AQR: variants seen among roughly 807,000 people sequenced by gnomAD.
The protein encoded by AQR is RNA helicase aquarius.
In AQR, 61 loss-of-function variants were observed where a neutral mutation model predicts 180.5. That is an observed-to-expected ratio of 0.34 (90% CI 0.28 to 0.42). The LOEUF is 0.42. Among genes scored for constraint, AQR ranks in the 10% least tolerant of loss-of-function variants. AQR has a pLI of 1.00. For missense variants in AQR, 1,281 were observed against 1,798.3 expected (o/e 0.71, Z 5.20); for synonymous variants, 551 against 588.8 (o/e 0.94, Z 0.93).
At chr15:34,964,422 G>C in intron 1 of AQR, 132 bp from the exon 2 acceptor site, 1 of 788,446 alleles carries the variant, frequency 1.3e-6, no homozygotes, top group South Asian at 1.5e-5. Flanking sequence ...ATATCTGAAG[G>C]CACTACACAG....
In AQR at chr15:34,910,022, C is replaced by T. The variant is rs374872635; in HGVS notation, c.1663+113G>A. ...TCTTTAAATCAAATTTCAAGGATAA[C>T]GCTTAATAAAAGCTTTAAAGGATAA... On this transcript the variant is annotated intron_variant, in intron 17 of 34. Coordinates refer to ENST00000156471, the MANE Select transcript of AQR (RefSeq NM_014691.3). The T allele has an allele frequency of 6.7e-5, 83 of 1,230,130 alleles. 6 individuals are homozygous for T. The highest frequency in any genetic ancestry group is 2.1e-4 in the East Asian group (9 of 41,982). 76.2% of individuals were successfully genotyped at this position (1,230,130 alleles called of 1,614,324 possible).
intron 34 of AQR, among the ~76,000 whole-genome samples, chr15:34,858,094 C>T (rs931015878): frequency 2.0e-5 from 3 of 152,068 alleles, no homozygotes; most frequent in Non-Finnish European, 4.4e-5. Flanking sequence ...AGCGATTCTC[C>T]TGCCTCAGCC....
At chr15:34,922,703 G>A (rs1893699609) in intron 13 of AQR, among the ~76,000 whole-genome samples, 1 of 151,872 alleles carries the variant, frequency 6.6e-6, no homozygotes, top group South Asian at 2.1e-4. Flanking sequence ...ACAAGCATGT[G>A]CCACCACGCC....
intron 14 of AQR, 79 bp from the exon 15 acceptor site, chr15:34,918,457 A>G: frequency 5.3e-6 from 8 of 1,520,154 alleles, no homozygotes; most frequent in Non-Finnish European, 7.1e-6. Context: ...AAGAAGTTTC[A>G]TGCCTATCAG....
At chr15:34,859,344 G>A (rs1367792547) in intron 34 of AQR, among the ~76,000 whole-genome samples, 1 of 152,102 alleles carries the variant, frequency 6.6e-6, no homozygotes, top group African/African-American at 2.4e-5. Context: ...AAACCATACT[G>A]AGACCACTGT....
intron 20 of AQR, among the ~76,000 whole-genome samples, chr15:34,900,012 C>T (rs1893306337): frequency 6.6e-6 from 1 of 152,138 alleles, no homozygotes; most frequent in African/African-American, 2.4e-5. Context: ...CCTGCCTCAG[C>T]CTCCTGAGTT....
At chr15:34,875,305 A>G (rs1892874856) in intron 28 of AQR, among the ~76,000 whole-genome samples, 1 of 152,140 alleles carries the variant, frequency 6.6e-6, no homozygotes. Context: ...AATTATCTAC[A>G]CTACTACTTC....
At chr15:34,888,297 CAATAAATA>C (rs543980353) in intron 24 of AQR, among the ~76,000 whole-genome samples, 15 of 151,116 alleles carry the variant, frequency 9.9e-5, no homozygotes, top group Admixed American at 4.6e-4. Context: ...GACTCTGTCC[CAATAAATA>C]AATAAATAAA....
chr15:34,887,334 C>T (rs1010574708), intron 24 of AQR, among the ~76,000 whole-genome samples: 2 of 152,084 alleles, frequency 1.3e-5, no homozygotes, highest in Admixed American at 6.5e-5. Context: ...TCATCACAGA[C>T]CAAGAACATG....
intron 30 of AQR, among the ~76,000 whole-genome samples, chr15:34,872,314 G>A (rs904783973): frequency 8.6e-5 from 13 of 152,038 alleles, no homozygotes; most frequent in African/African-American, 3.1e-4. Flanking sequence ...TTCTTATTTT[G>A]GGGGACAGTG....
chr15:34,948,307 C>G lies in AQR; in HGVS notation c.287G>C (p.Cys96Ser), dbSNP rs371872237. The G allele has an allele frequency of 1.6e-5, 26 of 1,613,582 alleles. 1 individual carries two copies. The highest frequency in any genetic ancestry group is 1.4e-4 in the South Asian group (13 of 91,078). Residue 96 changes from cysteine to serine, a missense_variant, in exon 5 of 35, where the codon TGT becomes TCT. Physicochemically the swap from Cys to Ser is moderately radical, Grantham distance 112 (BLOSUM62 -1). Around this residue, in one of 9 missense-constraint regions of AQR, gnomAD observed 404 missense variants for 490.9 expected, o/e 0.82. Transcript: ENST00000156471. ...TTCTCTAAACTTCTCATTCACCATA[C>G]AGCAGATTGACATTAAATAGGCCTT... ...SSKAYLMSIC[C>S]MVNEKFRENV...
chr15:34,904,269 T>C (rs1374412486), intron 19 of AQR, 67 bp downstream of exon 19: 9 of 1,169,068 alleles, frequency 7.7e-6, no homozygotes, highest in African/African-American at 1.6e-5. Flanking sequence ...CAAATATCTC[T>C]GTATTTATGT....
chr15:34,968,339 G>C (rs1021142173), intron 1 of AQR, among the ~76,000 whole-genome samples: 7 of 151,236 alleles, frequency 4.6e-5, no homozygotes, highest in African/African-American at 1.5e-4. Flanking sequence ...TGCAAGCTCC[G>C]CCTCCCGGGT....
chr15:34,953,678 C>A (rs1595809893), intron 3 of AQR, among the ~76,000 whole-genome samples: 1 of 152,184 alleles, frequency 6.6e-6, no homozygotes, highest in Admixed American at 6.5e-5. Context: ...AGTGGATAGG[C>A]CATCTTGAGT....
Position 34,851,885 on chromosome 15 carries a change from A to G in AQR, c.*4907T>C, listed in dbSNP as rs1047775003. On this transcript the variant is annotated 3_prime_UTR_variant, in exon 35 of 35. Transcript: ENST00000156471. ...AAATGTAAACAGAGAATGCTCAGTGACCTTTTCTTAGGAGGCTCACATGAA... is the reference window on the plus strand; with the variant it reads ...AAATGTAAACAGAGAATGCTCAGTGGCCTTTTCTTAGGAGGCTCACATGAA... 1.3e-5 allele frequency: 2 copies of G among 152,200 alleles called. No individual in the cohort carries two copies. The highest frequency in any genetic ancestry group is 2.9e-5 in the Non-Finnish European group (2 of 68,032). 9.4% of individuals were successfully genotyped at this position (152,200 alleles called of 1,614,324 possible). A position where few individuals can be genotyped will look rare whatever the true frequency, so the allele number is the denominator to read the frequency against.
At chr15:34,949,885 G>C (rs1181638005) in intron 4 of AQR, among the ~76,000 whole-genome samples, 1 of 148,752 alleles carries the variant, frequency 6.7e-6, no homozygotes, top group Non-Finnish European at 1.5e-5. Flanking sequence ...AGGATCACTT[G>C]GGCCTAGGGG....
At chr15:34,912,770 A>G (rs1202191793) in intron 16 of AQR, among the ~76,000 whole-genome samples, 1 of 152,178 alleles carries the variant, frequency 6.6e-6, no homozygotes, top group Non-Finnish European at 1.5e-5. Flanking sequence ...GGAAATACGT[A>G]ACATAAAAAC....
chr15:34,897,543 T>C lies in AQR; in HGVS notation c.2390+16A>G, dbSNP rs1198929863. 2 of 1,612,126 alleles carry C rather than the reference T, an allele frequency of 1.2e-6. No homozygotes were observed. Among genetic ancestry groups the C allele is most frequent in the African/African-American group, 2.7e-5 (2 of 74,864 alleles). On this transcript the variant is annotated intron_variant, in intron 21 of 34. Transcript: ENST00000156471. ...CTATTGTTCATCATTACAATTATAA[T>C]AGGTAGTAAAATTACCGTTTGGGTT...
intron 22 of AQR, among the ~76,000 whole-genome samples, chr15:34,895,207 TA>T (rs1455844076): frequency 9.4e-5 from 7 of 74,726 alleles, no homozygotes; most frequent in Non-Finnish European, 1.3e-4. Context: ...TATATATATA[TA>T]TATATATATA....
Sources: gnomAD v4.1 joint callset for allele counts (sites outside exome capture counted in the v4.1 genomes callset) on GRCh38, gnomAD v4.1.1 for gene constraint, gnomAD v4.1.1 regional missense constraint, MANE v1.5 for transcripts, NCBI Gene and HGNC (gene_info 2026-07-23, HGNC 2026-07-21) for gene names.